The following BLM variants were observed in gnomAD, a reference collection of about 807,000 sequenced individuals.
BLM encodes recQ-like DNA helicase BLM.
A neutral mutation model predicts 135.3 loss-of-function variants in BLM; 95 were observed. That is an observed-to-expected ratio of 0.70 (90% confidence interval 0.59 to 0.83). The LOEUF is 0.83. Ranked by LOEUF, BLM falls within the 40% of genes least tolerant of loss-of-function variation. The probability of loss-of-function intolerance (pLI) is 0.00; values close to 1 mark genes in which losing one functional copy is unlikely to be tolerated. For missense variants in BLM, 1,518 were observed against 1,663.9 expected (o/e 0.91, Z 1.53); for synonymous variants, 520 against 589.2 (o/e 0.88, Z 1.70).
At chr15:90,760,081 A>G (rs1014265703) in intron 5 of BLM, 66 bp from the exon 6 acceptor site, 8 of 1,483,508 alleles carry the variant, frequency 5.4e-6, no homozygotes, top group Non-Finnish European at 7.4e-6. Context: ...ATGAGCCACC[A>G]TGCCTAGCCA....
At position 90,784,772 on chromosome 15, in the gene BLM, T is replaced by C. The variant is rs28385064; in HGVS notation, c.2663-149T>C. ...TTCCAGCACACATGAATTCCTTGCT[T>C]GAATTATTCACGTGTGTGGTCTTCC... On this transcript the variant is annotated intron_variant, in intron 13 of 21. Transcript: ENST00000355112. The C allele has an allele frequency of 9.3e-4, 760 of 821,542 alleles. 5 individuals are homozygous for C. In the African/African-American group the frequency reaches 0.012, roughly 13 times the overall value. The allele number at this position is 821,542 out of a possible 1,614,324, so 50.9% of individuals were successfully genotyped here. A position where few individuals can be genotyped will look rare whatever the true frequency, so the allele number is the denominator to read the frequency against.
chr15:90,769,238 A>T lies in BLM; in HGVS notation c.2406+7A>T. ...AGCACATTGTGTCAGTCAGGTAAAT[A>T]CTGTTTTTTATATCCGGAAATACCG... is the stretch of plus-strand genomic sequence containing the variant. On this transcript the variant is annotated splice_region_variant and intron_variant, in intron 11 of 21. Coordinates refer to ENST00000355112, the MANE Select transcript of BLM (RefSeq NM_000057.4). 1 of 1,599,354 alleles carries T rather than the reference A, an allele frequency of 6.3e-7. No homozygotes were observed. The highest frequency in any genetic ancestry group is 1.3e-5 in the African/African-American group (1 of 74,710).
At chr15:90,770,167 T>TCCCC (rs35712829) in intron 12 of BLM, among the ~76,000 whole-genome samples, 8 of 120,522 alleles carry the variant, frequency 6.6e-5, no homozygotes, top group African/African-American at 2.7e-4. Context: ...ATAAAAGAAA[T>TCCCC]CCCCCCCCCC....
At chr15:90,792,785 A>C (rs1896937595) in intron 15 of BLM, among the ~76,000 whole-genome samples, 1 of 152,176 alleles carries the variant, frequency 6.6e-6, no homozygotes, top group African/African-American at 2.4e-5. Flanking sequence ...GAGGAAAATG[A>C]AATGCAGAAC....
chr15:90,810,934 A>G (rs1897399317), intron 20 of BLM, among the ~76,000 whole-genome samples: 1 of 152,230 alleles, frequency 6.6e-6, no homozygotes, highest in Non-Finnish European at 1.5e-5. Context: ...AGTATGAGCT[A>G]AACCTCATGT....
chr15:90,775,074 G>A (rs1342379447), intron 12 of BLM, among the ~76,000 whole-genome samples: 3 of 152,162 alleles, frequency 2.0e-5, no homozygotes, highest in Non-Finnish European at 2.9e-5. Context: ...GAAAGTTAGA[G>A]GTAGAGCAGC....
intron 1 of BLM, among the ~76,000 whole-genome samples, chr15:90,743,306 A>G (rs1225948540): frequency 2.6e-5 from 4 of 152,122 alleles, no homozygotes; most frequent in Non-Finnish European, 5.9e-5. Context: ...TTGTAATGGC[A>G]TGATAACTTC....
chr15:90,771,899 G>A (rs1896328409), intron 12 of BLM, among the ~76,000 whole-genome samples: 1 of 152,194 alleles, frequency 6.6e-6, no homozygotes, highest in South Asian at 2.1e-4. Flanking sequence ...TTAGAGGCAG[G>A]CACCTTGAAT....
At chr15:90,784,855 A>T in intron 13 of BLM, 66 bp from the exon 14 acceptor site, 1 of 1,503,740 alleles carries the variant, frequency 6.7e-7, no homozygotes, top group East Asian at 2.3e-5. Flanking sequence ...CTGAAAATGT[A>T]GTGTAAATTG....
intron 17 of BLM, among the ~76,000 whole-genome samples, chr15:90,802,012 C>T (rs1258093799): frequency 3.9e-5 from 6 of 152,052 alleles, no homozygotes; most frequent in Non-Finnish European, 1.5e-5. Flanking sequence ...GCTGTGATCC[C>T]GCCACTGCAC....
At chr15:90,729,807 T>A (rs1183076218) in intron 1 of BLM, among the ~76,000 whole-genome samples, 1 of 152,194 alleles carries the variant, frequency 6.6e-6, no homozygotes, top group Non-Finnish European at 1.5e-5. Flanking sequence ...GGTGGTCACA[T>A]TATTTTGCCT....
intron 1 of BLM, among the ~76,000 whole-genome samples, chr15:90,746,712 C>T (rs1386973004): frequency 1.3e-5 from 2 of 152,056 alleles, no homozygotes; most frequent in African/African-American, 4.8e-5. Context: ...ATTTTTTTAA[C>T]TATGCATGGA....
At chr15:90,808,678 G>A (rs944508777) in intron 19 of BLM, 2 of 211,522 alleles carry the variant, frequency 9.5e-6, no homozygotes, top group Non-Finnish European at 1.9e-5. Context: ...TGTGCTGGAG[G>A]AAGTAACAAT....
intron 5 of BLM, among the ~76,000 whole-genome samples, chr15:90,756,707 A>G (rs1289138697): frequency 6.6e-6 from 1 of 152,212 alleles, no homozygotes; most frequent in Non-Finnish European, 1.5e-5. Context: ...CTAGTTACAT[A>G]TCTGTCTTCA....
chr15:90,748,644 T>TGG (rs1895575219), intron 2 of BLM, among the ~76,000 whole-genome samples: 1 of 152,192 alleles, frequency 6.6e-6, no homozygotes, highest in Non-Finnish European at 1.5e-5. Context: ...GATTCCTGCG[T>TGG]CTTTTACTTG....
rs2151202237 is a variant in BLM, at chr15:90,815,114, A to G, written c.4089A>G (p.Thr1363=). The change falls in exon 22 of 22, where the codon ACA becomes ACG. Residue 1363 remains threonine, a synonymous_variant. Coordinates refer to ENST00000355112, the MANE Select transcript of BLM (RefSeq NM_000057.4). This position sits in a 1 kb window ranked among gnomAD's most constrained non-coding sequence, Gnocchi z 4.6. ...TGTCACATTTCAGGGGGTCTGCCAC[A>G]TGTAGAAAGATATCTTCCAAAACGA... ...SGSKAKGGSA[T]CRKISSKTKS... The G allele has an allele frequency of 6.2e-7, 1 of 1,614,142 alleles. No individual in the cohort carries two copies. The highest frequency in any genetic ancestry group is 8.5e-7 in the Non-Finnish European group (1 of 1,180,026).
chr15:90,787,020 A>G (rs537761644), intron 14 of BLM, among the ~76,000 whole-genome samples: 1 of 149,546 alleles, frequency 6.7e-6, no homozygotes, highest in East Asian at 2.0e-4. Flanking sequence ...GAAAGCTGAA[A>G]ATACTTTAGG....
Position 90,815,732 on chromosome 15 carries a change from C to T in BLM, c.*453C>T, listed in dbSNP as rs1171030109. 5.4e-6 allele frequency: 1 copy of T among 185,186 alleles called. No individual in the cohort carries two copies. Among genetic ancestry groups the T allele is most frequent in the Non-Finnish European group, 1.1e-5 (1 of 88,960 alleles). 11.5% of individuals were successfully genotyped at this position (185,186 alleles called of 1,614,324 possible). ...ATACCCGTGAACCAGTCAGAAACAT[C>T]CCAGGGGGCAGGTGGACCAAGGATG... On this transcript the variant is annotated 3_prime_UTR_variant, in exon 22 of 22. Coordinates refer to ENST00000355112, the MANE Select transcript of BLM (RefSeq NM_000057.4). This position sits in a 1 kb window ranked among gnomAD's most constrained non-coding sequence, Gnocchi z 4.6.
chr15:90,746,294 G>T (rs942956002), intron 1 of BLM, among the ~76,000 whole-genome samples: 1 of 151,982 alleles, frequency 6.6e-6, no homozygotes, highest in South Asian at 2.1e-4. Flanking sequence ...TTTTTTGGGG[G>T]TAATAATTAA....
Sources: gnomAD v4.1 joint callset for allele counts (sites outside exome capture counted in the v4.1 genomes callset) on GRCh38, gnomAD v4.1.1 for gene constraint, Gnocchi (gnomAD v3.1) non-coding constraint, MANE v1.5 for transcripts, NCBI Gene and HGNC (gene_info 2026-07-23, HGNC 2026-07-21) for gene names.